Variants in RPTOR observed in about 807,000 individuals in gnomAD.
The protein encoded by RPTOR is regulatory-associated protein of mTOR.
A neutral mutation model predicts 169.9 loss-of-function variants in RPTOR; 21 were observed. The observed-to-expected ratio is 0.12, with a 90% confidence interval of 0.09 to 0.18. RPTOR has a LOEUF of 0.18. RPTOR is among the 10% of genes least tolerant of loss of function. The pLI is 1.00. For missense variants in RPTOR, 1,133 were observed against 1,855.9 expected (o/e 0.61, Z 7.16); for synonymous variants, 732 against 753.2 (o/e 0.97, Z 0.46).
chr17:80,560,407 G>A (rs574567588), intron 1 of RPTOR, among the ~76,000 whole-genome samples: 82 of 152,280 alleles, frequency 5.4e-4, no homozygotes, highest in Non-Finnish European at 1.0e-3. Flanking sequence ...TAAGTGCTGC[G>A]GATACCATGG....
intron 21 of RPTOR, among the ~76,000 whole-genome samples, chr17:80,911,252 A>G (rs1279642403): frequency 6.6e-6 from 1 of 151,896 alleles, no homozygotes; most frequent in Non-Finnish European, 1.5e-5. Context: ...TTCCTTCGTC[A>G]CCGCATCCCT....
At chr17:80,913,897 A>G (rs779195499) in intron 21 of RPTOR, among the ~76,000 whole-genome samples, 2 of 152,236 alleles carry the variant, frequency 1.3e-5, no homozygotes, top group Non-Finnish European at 2.9e-5. Flanking sequence ...TTCAAGCCAC[A>G]GGTGGTCACC....
At chr17:80,897,035 G>A (rs890365362) in intron 20 of RPTOR, among the ~76,000 whole-genome samples, 8 of 152,148 alleles carry the variant, frequency 5.3e-5, no homozygotes, top group African/African-American at 1.9e-4. Flanking sequence ...CGGAGGCCGA[G>A]ACGGGCGGAT....
chr17:80,755,557 C>T (rs976804369), intron 6 of RPTOR, among the ~76,000 whole-genome samples: 3 of 151,864 alleles, frequency 2.0e-5, no homozygotes, highest in Admixed American at 6.6e-5. Flanking sequence ...GCCAACATGG[C>T]GAAACCCTGT....
intron 3 of RPTOR, among the ~76,000 whole-genome samples, chr17:80,674,815 A>C (rs61159867): frequency 6.8e-4 from 90 of 132,914 alleles, no homozygotes; most frequent in African/African-American, 1.5e-3. Flanking sequence ...AAAAAAAAAA[A>C]AAAAAAAAAA....
intron 23 of RPTOR, among the ~76,000 whole-genome samples, chr17:80,924,555 C>T (rs372618117): frequency 1.3e-5 from 2 of 152,126 alleles, no homozygotes; most frequent in East Asian, 1.9e-4. Context: ...TTCCGTGTCT[C>T]GGCAGAGGAG....
chr17:80,825,042 G>A (rs1019800062), intron 9 of RPTOR, among the ~76,000 whole-genome samples: 19 of 148,092 alleles, frequency 1.3e-4, no homozygotes, highest in African/African-American at 4.8e-4. Context: ...GCCGCGTGGC[G>A]AGGCCAGTAT....
chr17:80,579,778 A>C (rs2064998938), intron 1 of RPTOR, among the ~76,000 whole-genome samples: 1 of 152,198 alleles, frequency 6.6e-6, no homozygotes, highest in Admixed American at 6.5e-5. Context: ...AAAAATCTGC[A>C]TGTGGGGTAG....
At chr17:80,841,835 C>G (rs536894170) in intron 10 of RPTOR, among the ~76,000 whole-genome samples, 1 of 134,040 alleles carries the variant, frequency 7.5e-6, no homozygotes, top group East Asian at 2.2e-4. Flanking sequence ...TCTCACCGCA[C>G]GGCAGCTCAC....
chr17:80,564,223 T>C (rs1417868095), intron 1 of RPTOR, among the ~76,000 whole-genome samples: 2 of 152,050 alleles, frequency 1.3e-5, no homozygotes, highest in Non-Finnish European at 1.5e-5. Context: ...CCACCACGCC[T>C]GGCTAATTTT....
intron 1 of RPTOR, among the ~76,000 whole-genome samples, chr17:80,557,326 C>T (rs1194241899): frequency 6.6e-6 from 1 of 152,064 alleles, no homozygotes; most frequent in African/African-American, 2.4e-5. Context: ...TCAAGACCAG[C>T]CTGGTCAACA....
intron 2 of RPTOR, among the ~76,000 whole-genome samples, chr17:80,636,598 C>T (rs1195294972): frequency 6.6e-6 from 1 of 152,166 alleles, no homozygotes; most frequent in Non-Finnish European, 1.5e-5. Context: ...ACGATCGCCT[C>T]CTGAAGGCCC....
intron 1 of RPTOR, among the ~76,000 whole-genome samples, chr17:80,579,848 G>A (rs1219159566): frequency 6.6e-6 from 1 of 152,200 alleles, no homozygotes; most frequent in Non-Finnish European, 1.5e-5. Flanking sequence ...GTTCTGAGAT[G>A]AACTTCTCCT....
chr17:80,932,442 G>C (rs1462010207), intron 24 of RPTOR, among the ~76,000 whole-genome samples: 2 of 152,190 alleles, frequency 1.3e-5, no homozygotes, highest in East Asian at 3.9e-4. Context: ...GGGCAACCCA[G>C]ATGTTGGAAC....
chr17:80,816,902 C>T (rs985430206), intron 7 of RPTOR, among the ~76,000 whole-genome samples: 1 of 152,248 alleles, frequency 6.6e-6, no homozygotes, highest in African/African-American at 2.4e-5. Context: ...CCCGGCCCAT[C>T]CCTGGTCCTC....
chr17:80,943,480 C>G (rs2069059319), intron 25 of RPTOR, among the ~76,000 whole-genome samples: 1 of 152,236 alleles, frequency 6.6e-6, no homozygotes, highest in Non-Finnish European at 1.5e-5. Context: ...TGCTGGTGCA[C>G]TTCCCGCCTC....
intron 3 of RPTOR, among the ~76,000 whole-genome samples, chr17:80,689,445 C>A (rs2065973081): frequency 6.6e-6 from 1 of 152,208 alleles, no homozygotes; most frequent in African/African-American, 2.4e-5. Context: ...GGCAGTGAGG[C>A]CTCGTCTTAC....
chr17:80,623,217 T>C (rs2065368319), intron 1 of RPTOR, among the ~76,000 whole-genome samples: 1 of 152,222 alleles, frequency 6.6e-6, no homozygotes, highest in Non-Finnish European at 1.5e-5. Flanking sequence ...GAATGATCTA[T>C]TGGAAAGAAT....
intron 24 of RPTOR, among the ~76,000 whole-genome samples, chr17:80,937,916 G>A (rs538655947): frequency 4.6e-5 from 7 of 152,268 alleles, no homozygotes; most frequent in Admixed American, 3.9e-4. Context: ...TGTGACCCTC[G>A]TGGTCATAGC....
Sources: allele counts gnomAD v4.1 joint callset (sites outside exome capture counted in the v4.1 genomes callset), GRCh38; gene constraint gnomAD v4.1.1; transcripts MANE v1.5; gene names NCBI Gene and HGNC (gene_info 2026-07-23, HGNC 2026-07-21).